The following HS3ST4 variants were observed in gnomAD, a reference collection of about 807,000 sequenced individuals.
The protein encoded by HS3ST4 is heparan sulfate-glucosamine 3-sulfotransferase 4, also known as heparan sulfate glucosamine 3-O-sulfotransferase 4.
A neutral mutation model predicts 29.2 loss-of-function variants in HS3ST4; 17 were observed. The observed-to-expected ratio is 0.58, with a 90% CI of 0.40 to 0.87. HS3ST4 has a LOEUF of 0.87. Among genes scored for constraint, HS3ST4 ranks in the 40% least tolerant of loss-of-function variants. The pLI is 0.00. For synonymous variants in HS3ST4, 314 were observed against 285.7 expected, an observed-to-expected ratio of 1.10 and a Z score of -1.00; for missense variants, 627 against 634.5, an observed-to-expected ratio of 0.99 and a Z score of 0.13.
At chr16:25,854,257 G>C (rs4448943) in intron 1 of HS3ST4, among the ~76,000 whole-genome samples, 107,883 of 151,992 alleles carry the variant, frequency 0.71, 39,389 homozygotes, top group African/African-American at 0.87. Flanking sequence ...ACCAACAAGC[G>C]TGGCTACTTC....
Position 25,715,179 on chromosome 16 carries a change from G to A in HS3ST4, c.734+22028G>A, listed in dbSNP as rs1299748534. 4.0e-5 allele frequency among the ~76,000 whole-genome samples: 6 copies of A among 151,842 alleles called. No homozygotes were observed. The East Asian group carries it at 9.7e-4, about 25-fold the overall frequency. On this transcript the variant is annotated intron_variant, in intron 1 of 1. Coordinates refer to ENST00000331351, the MANE Select transcript of HS3ST4 (RefSeq NM_006040.3). ...CTACTAAAAATACAAAAAATTAGCCGGGCGCGGTGGCGGGCGCCTGTAGTC... is the reference window on the plus strand; with the variant it reads ...CTACTAAAAATACAAAAAATTAGCCAGGCGCGGTGGCGGGCGCCTGTAGTC...
chr16:26,057,241 G>A (rs917156880), intron 1 of HS3ST4, among the ~76,000 whole-genome samples: 17 of 152,200 alleles, frequency 1.1e-4, no homozygotes, highest in Admixed American at 1.0e-3. Context: ...GAAAACTAAG[G>A]CTCAGGGAGG....
rs372470987 is a variant in HS3ST4, at chr16:25,819,769, C to T, written c.734+126618C>T. Among the ~76,000 whole-genome samples, 105 of 151,820 alleles carry T rather than the reference C, an allele frequency of 6.9e-4. 3 individuals carry two copies. The South Asian group carries it at 0.021, about 31-fold the overall frequency. On this transcript the variant is annotated intron_variant, in intron 1 of 1. Transcript: ENST00000331351. ...TTGACATTCATTGGCCTGTCTTTTC[C>T]GGGACTGGAATCCCGAGGAAATGCC...
chr16:25,701,933 A>G (rs1204184493), intron 1 of HS3ST4, among the ~76,000 whole-genome samples: 1 of 152,218 alleles, frequency 6.6e-6, no homozygotes, highest in Non-Finnish European at 1.5e-5. Flanking sequence ...GATTTATTTT[A>G]TGGATGCTGA....
chr16:25,913,939 G>A (rs970743325), intron 1 of HS3ST4, among the ~76,000 whole-genome samples: 1 of 150,992 alleles, frequency 6.6e-6, no homozygotes, highest in Non-Finnish European at 1.5e-5. Context: ...GGCTATGTGT[G>A]TGTGTGGTGT....
intron 1 of HS3ST4, among the ~76,000 whole-genome samples, chr16:25,851,983 A>C (rs1967526675): frequency 6.6e-6 from 1 of 152,216 alleles, no homozygotes; most frequent in Non-Finnish European, 1.5e-5. Flanking sequence ...TCAGTAACAG[A>C]GGTATCATAT....
intron 1 of HS3ST4, among the ~76,000 whole-genome samples, chr16:25,731,558 C>T (rs1354740253): frequency 6.6e-6 from 1 of 152,148 alleles, no homozygotes; most frequent in African/African-American, 2.4e-5. Context: ...CCAGGCTCAT[C>T]TTGAGCTCCT....
intron 1 of HS3ST4, among the ~76,000 whole-genome samples, chr16:25,773,711 T>C (rs765662010): frequency 2.6e-5 from 4 of 152,228 alleles, no homozygotes; most frequent in Non-Finnish European, 5.9e-5. Flanking sequence ...ATGAATTGTA[T>C]AGAGGTGGAC....
intron 1 of HS3ST4, among the ~76,000 whole-genome samples, chr16:25,905,072 T>A (rs879497028): frequency 4.6e-5 from 7 of 152,178 alleles, no homozygotes; most frequent in Non-Finnish European, 7.3e-5. Flanking sequence ...AGGAACTCTC[T>A]GACAGATTTA....
intron 1 of HS3ST4, among the ~76,000 whole-genome samples, chr16:25,808,719 G>C (rs921269141): frequency 3.9e-5 from 6 of 152,136 alleles, no homozygotes; most frequent in African/African-American, 9.7e-5. Flanking sequence ...CATCTTTACT[G>C]TGCTGCTGAG....
intron 1 of HS3ST4, among the ~76,000 whole-genome samples, chr16:25,765,874 G>A (rs909881921): frequency 2.0e-5 from 3 of 152,156 alleles, no homozygotes; most frequent in African/African-American, 7.2e-5. Context: ...GAGGGGGTTT[G>A]GATGTGGTTG....
rs561414227 is a variant in HS3ST4, at chr16:26,074,052, T to A, written c.735-61560T>A. Among the ~76,000 whole-genome samples the A allele has an allele frequency of 1.6e-4, 25 of 152,314 alleles. No individual in the cohort carries two copies. In the East Asian group the frequency reaches 3.7e-3, roughly 22 times the overall value. On this transcript the variant is annotated intron_variant, in intron 1 of 1. Transcript: ENST00000331351. ...CCCAGGTTTGATTATTCTTACCGAA[T>A]GTGTTGGTAATCCCCCTCAGCCTTC...
At chr16:25,835,024 A>T (rs1967343618) in intron 1 of HS3ST4, among the ~76,000 whole-genome samples, 1 of 152,176 alleles carries the variant, frequency 6.6e-6, no homozygotes, top group African/African-American at 2.4e-5. Context: ...AAAAGAAATT[A>T]GAGAAAGGAA....
At chr16:26,088,126 A>T (rs1026617660) in intron 1 of HS3ST4, among the ~76,000 whole-genome samples, 2 of 151,980 alleles carry the variant, frequency 1.3e-5, no homozygotes, top group Non-Finnish European at 2.9e-5. Context: ...TTCCTGCCAC[A>T]CTAGCCATTC....
chr16:25,931,987 T>C (rs892973187), intron 1 of HS3ST4, among the ~76,000 whole-genome samples: 1 of 151,922 alleles, frequency 6.6e-6, no homozygotes, highest in African/African-American at 2.4e-5. Flanking sequence ...GGGCTGGAGG[T>C]TTTTTTAAAG....
intron 1 of HS3ST4, among the ~76,000 whole-genome samples, chr16:25,815,367 A>G (rs1596579330): frequency 6.6e-6 from 1 of 152,146 alleles, no homozygotes; most frequent in African/African-American, 2.4e-5. Context: ...TTTATTGCCC[A>G]AGCTGAAGTG....
At chr16:25,803,314 G>A (rs1966958405) in intron 1 of HS3ST4, among the ~76,000 whole-genome samples, 1 of 152,144 alleles carries the variant, frequency 6.6e-6, no homozygotes, top group South Asian at 2.1e-4. Context: ...AATAAAAACT[G>A]AGACAATTTT....
intron 1 of HS3ST4, among the ~76,000 whole-genome samples, chr16:25,841,036 G>T (rs1044763693): frequency 8.6e-5 from 13 of 151,190 alleles, no homozygotes; most frequent in African/African-American, 2.2e-4. Context: ...ACAGAGTCTT[G>T]CTCTGTCACC....
intron 1 of HS3ST4, among the ~76,000 whole-genome samples, chr16:26,039,172 A>G (rs1300198376): frequency 6.6e-6 from 1 of 152,170 alleles, no homozygotes; most frequent in African/African-American, 2.4e-5. Context: ...CACCCTATTA[A>G]ATTACTGTCC....
Sources: gnomAD v4.1 joint callset for allele counts (sites outside exome capture counted in the v4.1 genomes callset) on GRCh38, gnomAD v4.1.1 for gene constraint, MANE v1.5 for transcripts, NCBI Gene and HGNC (gene_info 2026-07-23, HGNC 2026-07-21) for gene names.